Variants in MEP1A observed in about 807,000 individuals in gnomAD.
The protein encoded by MEP1A is N-benzoyl-L-tyrosyl-P-amino-benzoic acid hydrolase subunit alpha.
In MEP1A, 68 loss-of-function variants were observed where a neutral mutation model predicts 84.5. That is an observed-to-expected ratio of 0.80 (90% CI 0.66 to 0.98). The LOEUF (loss-of-function observed/expected upper bound fraction) is 0.98. MEP1A is among the 50% of genes least tolerant of loss of function. The pLI is 0.00. For missense variants in MEP1A, 887 were observed against 919.9 expected, an observed-to-expected ratio of 0.96 and a Z score of 0.46; for synonymous variants, 337 against 336.8, an observed-to-expected ratio of 1.00 and a Z score of -0.01.
chr6:46,794,153 C>A (rs928691630), intron 3 of MEP1A, among the ~76,000 whole-genome samples: 4 of 152,134 alleles, frequency 2.6e-5, no homozygotes, highest in Non-Finnish European at 1.5e-5. Flanking sequence ...GAGTGTAAAG[C>A]AATCTCCACT....
chr6:46,833,502 A>C lies in MEP1A; in HGVS notation c.1573A>C (p.Met525Leu). ...TGTCCGGAACAGGATGTCCTCAAGC[A>C]TGGTGTTCACTACCTCGAAGTCGCA... ...PDVRNRMSSS[M>L]VFTTSKSHTS... is the part of the protein sequence containing the mutation. Residue 525 changes from methionine (M) to leucine (L), a missense_variant, in exon 11 of 14, where the codon ATG becomes CTG. Coordinates refer to ENST00000230588, the MANE Select transcript of MEP1A (RefSeq NM_005588.3). 6.2e-7 allele frequency: 1 copy of C among 1,614,158 alleles called. No homozygotes were observed.
In MEP1A at chr6:46,829,443, G is replaced by T. The variant is rs767627897; in HGVS notation, c.1016G>T (p.Arg339Met). ...GAGTCTCGGATTCTTTACCCAAAGA[G>T]GAAGCAGCAGTGCCTGCAATTTTTC... ...LLESRILYPK[R>M]KQQCLQFFYK... The change falls in exon 10 of 14, where the codon AGG (arginine) becomes ATG (methionine). Residue 339 changes from arginine to methionine, a missense_variant. By Grantham distance (91) the Arg-to-Met change is moderately conservative. Coordinates refer to ENST00000230588, the MANE Select transcript of MEP1A (RefSeq NM_005588.3). 1.2e-6 allele frequency: 2 copies of T among 1,614,086 alleles called. No individual in the cohort carries two copies. The highest frequency in any genetic ancestry group is 1.7e-6 in the Non-Finnish European group (2 of 1,180,040).
intron 3 of MEP1A, among the ~76,000 whole-genome samples, chr6:46,797,753 CT>C (rs1435619839): frequency 6.6e-6 from 1 of 152,010 alleles, no homozygotes; most frequent in African/African-American, 2.4e-5. Context: ...CTCCATTTCT[CT>C]CAATAGTCTT....
intron 7 of MEP1A, among the ~76,000 whole-genome samples, chr6:46,822,752 C>T (rs925028717): frequency 6.6e-6 from 1 of 152,112 alleles, no homozygotes; most frequent in African/African-American, 2.4e-5. Context: ...ACCATGTGGA[C>T]CAGGCTGGTC....
intron 5 of MEP1A, among the ~76,000 whole-genome samples, chr6:46,805,103 G>A (rs1311513401): frequency 6.6e-6 from 1 of 151,720 alleles, no homozygotes; most frequent in African/African-American, 2.4e-5. Context: ...GCTATGTTTT[G>A]GCTGTTATGA....
In MEP1A at chr6:46,803,399, A is replaced by T. The variant is rs561078370; in HGVS notation, c.262+4218A>T. On this transcript the variant is annotated intron_variant, in intron 5 of 13. Transcript: ENST00000230588. The stretch of plus-strand genomic sequence containing the variant: ...CAAAATAGTGGCATAATATCTCATT[A>T]TCTTTATAATGTCTGTAGAATCTTT... 4.0e-5 allele frequency among the ~76,000 whole-genome samples: 6 copies of T among 151,760 alleles called. No individual in the cohort carries two copies. In the East Asian group the frequency reaches 1.2e-3, roughly 29 times the overall value.
Position 46,819,598 on chromosome 6 carries a change from G to T in MEP1A, c.450G>T (p.Lys150Asn). The change falls in exon 7 of 14, where the codon AAG (lysine) becomes AAT (asparagine). Residue 150 changes from lysine (K) to asparagine (N), a missense_variant. Lys to Asn is a moderately conservative substitution (Grantham distance 94). Coordinates refer to ENST00000230588, the MANE Select transcript of MEP1A (RefSeq NM_005588.3). ...NISIGQGCAYKAIIEHEILHA... is the reference protein window; with the variant it reads ...NISIGQGCAYNAIIEHEILHA... ...CCATTGGCCAAGGATGTGCCTATAA[G>T]GCCATCATAGAACACGAGATCCTGC... The T allele has an allele frequency of 6.2e-7, 1 of 1,614,140 alleles. No individual in the cohort carries two copies.
rs1768121905 is a variant in MEP1A at position 46,833,368 on chromosome 6, G to A, written c.1439G>A (p.Gly480Asp). ...TLYPNSRESS[G>D]YLRLAFHVCS... ...TACCCAAATAGCAGAGAAAGCTCTGGTTACTTGAGACTTGCTTTTCATGTG... is the reference window on the plus strand; with the variant it reads ...TACCCAAATAGCAGAGAAAGCTCTGATTACTTGAGACTTGCTTTTCATGTG... Residue 480 changes from glycine to aspartate, a missense_variant, in exon 11 of 14, where the codon GGT becomes GAT. Transcript: ENST00000230588. The A allele has an allele frequency of 8.1e-6, 13 of 1,614,114 alleles. No homozygotes were observed. The highest frequency in any genetic ancestry group is 1.3e-5 in the African/African-American group (1 of 74,938).
At chr6:46,824,833 T>A (rs1339823758) in intron 7 of MEP1A, among the ~76,000 whole-genome samples, 3 of 85,994 alleles carry the variant, frequency 3.5e-5, no homozygotes, top group Non-Finnish European at 6.4e-5. Flanking sequence ...TGTATTTAAA[T>A]ATATATAAAT....
chr6:46,807,314 G>C (rs1044818179), intron 5 of MEP1A, among the ~76,000 whole-genome samples: 4 of 151,650 alleles, frequency 2.6e-5, no homozygotes, highest in African/African-American at 9.7e-5. Flanking sequence ...AGGAACAAGA[G>C]TTACAATGAG....
intron 13 of MEP1A, 44 bp downstream of exon 13, chr6:46,835,593 G>A (rs762682371): frequency 1.3e-6 from 2 of 1,598,604 alleles, no homozygotes; most frequent in East Asian, 4.5e-5. Flanking sequence ...GCAGACCTGG[G>A]CCGTGTGCAT....
In MEP1A at chr6:46,809,497, G is replaced by A; in HGVS notation, c.340G>A (p.Glu114Lys). 1.2e-6 allele frequency: 2 copies of A among 1,610,264 alleles called. No individual in the cohort carries two copies. Among genetic ancestry groups the A allele is most frequent in the Non-Finnish European group, 1.7e-6 (2 of 1,177,626 alleles). ...GTCCTGTGTGGATTTCAAGCCCTAT[G>A]AAGGAGAGAGCTCATATATCATATT... ...LKSCVDFKPY[E>K]GESSYIIFQQ... Residue 114 changes from glutamate to lysine, a missense_variant, in exon 6 of 14, where the codon GAA becomes AAA. By Grantham distance (56) the Glu-to-Lys change is moderately conservative. Transcript: ENST00000230588.
At chr6:46,825,593 G>A (rs1002236574) in intron 8 of MEP1A, 100 bp downstream of exon 8, 3 of 805,902 alleles carry the variant, frequency 3.7e-6, no homozygotes, top group African/African-American at 1.7e-5. Flanking sequence ...CTTCTTTAAT[G>A]TACTAGCTAA....
intron 6 of MEP1A, 46 bp from the exon 7 acceptor site, chr6:46,819,482 AC>A: frequency 6.7e-7 from 1 of 1,501,152 alleles, no homozygotes; most frequent in Non-Finnish European, 9.0e-7. Context: ...AATGACAGCC[AC>A]TTAAAAATTC....
At chr6:46,816,619 G>T (rs931200613) in intron 6 of MEP1A, among the ~76,000 whole-genome samples, 1 of 151,770 alleles carries the variant, frequency 6.6e-6, no homozygotes, top group Admixed American at 6.6e-5. Flanking sequence ...AGAGGGAGAG[G>T]GAGAGGGTGA....
At chr6:46,795,088 T>G (rs1007295943) in intron 3 of MEP1A, among the ~76,000 whole-genome samples, 8 of 152,174 alleles carry the variant, frequency 5.3e-5, no homozygotes, top group African/African-American at 1.9e-4. Flanking sequence ...CATCTTCTTT[T>G]TGCCTCACAA....
rs1274941582 is a variant in MEP1A at position 46,825,015 on chromosome 6, A to T, written c.557-257A>T. On this transcript the variant is annotated intron_variant, in intron 7 of 13. Coordinates refer to ENST00000230588, the MANE Select transcript of MEP1A (RefSeq NM_005588.3). ...AAATAGATCTATTTAAGTATATATA[A>T]ATTATATATTTAAATAGATCTATTT... Among the ~76,000 whole-genome samples, 214 of 85,970 alleles carry T rather than the reference A, an allele frequency of 2.5e-3. 20 individuals carry two copies. The highest frequency in any genetic ancestry group is 6.1e-3 in the African/African-American group (174 of 28,690). The allele number at this position is 85,970 out of a possible 152,430, so 56.4% of individuals were successfully genotyped here.
chr6:46,825,212 A>G (rs1767909772), intron 7 of MEP1A, 60 bp from the exon 8 acceptor site: 2 of 1,094,766 alleles, frequency 1.8e-6, no homozygotes, highest in Non-Finnish European at 2.6e-6. Flanking sequence ...TATCTAGTCA[A>G]AGAGTAGCAT....
intron 6 of MEP1A, among the ~76,000 whole-genome samples, chr6:46,818,155 T>C (rs1365536203): frequency 6.6e-6 from 1 of 152,228 alleles, no homozygotes; most frequent in Non-Finnish European, 1.5e-5. Context: ...AAGTTGATCA[T>C]GGTTACATTT....
Sources: allele counts gnomAD v4.1 joint callset (sites outside exome capture counted in the v4.1 genomes callset), GRCh38; gene constraint gnomAD v4.1.1; transcripts MANE v1.5; gene names NCBI Gene and HGNC (gene_info 2026-07-23, HGNC 2026-07-21).